The following FER variants were observed in gnomAD, a reference collection of about 807,000 sequenced individuals.
FER encodes tyrosine-protein kinase Fer.
In FER, 63 loss-of-function variants were observed where a neutral mutation model predicts 111.0. The observed-to-expected ratio is 0.57, with a 90% confidence interval of 0.46 to 0.70. FER has a LOEUF of 0.70. Among genes scored for constraint, FER ranks in the 30% least tolerant of loss-of-function variants. FER has a pLI of 0.00. For missense variants in FER, 914 were observed against 954.0 expected, an observed-to-expected ratio of 0.96 and a Z score of 0.55; for synonymous variants, 327 against 313.9, an observed-to-expected ratio of 1.04 and a Z score of -0.44.
intron 13 of FER, among the ~76,000 whole-genome samples, chr5:109,010,522 A>G (rs1024580805): frequency 6.6e-6 from 1 of 152,198 alleles, no homozygotes; most frequent in East Asian, 1.9e-4. Context: ...GTTTTCACCA[A>G]TATTTATAAT....
intron 1 of FER, among the ~76,000 whole-genome samples, chr5:108,756,165 A>G (rs943818602): frequency 6.6e-6 from 1 of 150,996 alleles, no homozygotes. Context: ...TCAAAAAAAA[A>G]AAAAAAAATA....
chr5:109,034,147 C>T (rs1171425134), intron 13 of FER, among the ~76,000 whole-genome samples: 1 of 152,178 alleles, frequency 6.6e-6, no homozygotes, highest in Non-Finnish European at 1.5e-5. Context: ...TCCTCAACCC[C>T]TCACACCTCC....
intron 18 of FER, among the ~76,000 whole-genome samples, chr5:109,183,358 C>T (rs977476159): frequency 4.7e-5 from 7 of 148,050 alleles, no homozygotes; most frequent in Non-Finnish European, 8.9e-5. Context: ...AAGCAATTCT[C>T]CTGTCTCAGC....
chr5:108,930,986 A>C (rs1366617569), intron 10 of FER, among the ~76,000 whole-genome samples: 1 of 151,794 alleles, frequency 6.6e-6, no homozygotes, highest in Non-Finnish European at 1.5e-5. Context: ...GATTTGACTT[A>C]AATTACATTA....
intron 17 of FER, chr5:109,177,743 C>T (rs951256524): frequency 6.6e-6 from 1 of 152,198 alleles, no homozygotes; most frequent in South Asian, 2.1e-4. Flanking sequence ...TAAGATTACT[C>T]GGCAGACATA....
chr5:109,100,711 A>G (rs1748120094), intron 17 of FER, among the ~76,000 whole-genome samples, 192 bp downstream of exon 17: 1 of 151,830 alleles, frequency 6.6e-6, no homozygotes, highest in African/African-American at 2.4e-5. Flanking sequence ...TCTTACTTGA[A>G]GTGAGTACCT....
chr5:108,993,610 AGAGGGCAAGGGC>A (rs1246427333), intron 13 of FER, among the ~76,000 whole-genome samples: 11 of 107,540 alleles, frequency 1.0e-4, no homozygotes, highest in Admixed American at 1.8e-4. Flanking sequence ...AGGGCGAGGG[AGAGGGCAAGGGC>A]GAGGGCGAGG....
chr5:108,965,973 A>G (rs771889090), intron 13 of FER, among the ~76,000 whole-genome samples: 3 of 152,190 alleles, frequency 2.0e-5, no homozygotes, highest in Non-Finnish European at 2.9e-5. Flanking sequence ...CATGGTACAT[A>G]TATTTAATAA....
At position 109,055,541 on chromosome 5, in the gene FER, C is replaced by T. The variant is rs1289156129; in HGVS notation, c.1924+8343C>T. Among the ~76,000 whole-genome samples the T allele has an allele frequency of 7.2e-5, 11 of 151,952 alleles. No homozygotes were observed. The East Asian group carries it at 2.1e-3, about 29-fold the overall frequency. On this transcript the variant is annotated intron_variant, in intron 16 of 19. Transcript: ENST00000281092. The stretch of plus-strand genomic sequence containing the variant: ...GTGGCTCATTCCTGTAATCCCAGCA[C>T]TTTGGGAGGCTGAGGCAGGAGGACT...
chr5:108,986,229 A>G (rs1304648737), intron 13 of FER, among the ~76,000 whole-genome samples: 2 of 150,544 alleles, frequency 1.3e-5, no homozygotes, highest in Non-Finnish European at 3.0e-5. Flanking sequence ...GGCTAATTGT[A>G]TATCTTCTGT....
rs575048876 is a variant in FER at position 109,051,756 on chromosome 5, G to A, written c.1924+4558G>A. On this transcript the variant is annotated intron_variant, in intron 16 of 19. Coordinates refer to ENST00000281092, the MANE Select transcript of FER (RefSeq NM_005246.4). ...TCTTTCCCTTAACCCAATCCTTAAC[G>A]CCCTTGAAGAAAACGTAGAAGAGTT... 36 of 1,565,782 alleles carry A rather than the reference G, an allele frequency of 2.3e-5. 1 individual carries two copies. Among genetic ancestry groups the A allele is most frequent in the South Asian group, 1.1e-4 (10 of 90,100 alleles).
At chr5:109,117,342 C>T (rs1750369899) in intron 17 of FER, among the ~76,000 whole-genome samples, 2 of 152,084 alleles carry the variant, frequency 1.3e-5, no homozygotes, top group Non-Finnish European at 2.9e-5. Flanking sequence ...TAATTCTCTA[C>T]ACCCTATAAT....
At chr5:108,833,122 A>T (rs1444474729) in intron 4 of FER, among the ~76,000 whole-genome samples, 179 bp downstream of exon 4, 3 of 152,134 alleles carry the variant, frequency 2.0e-5, no homozygotes, top group Non-Finnish European at 2.9e-5. Flanking sequence ...ATATACTGTG[A>T]CTGTATATAC....
At chr5:108,891,186 A>C (rs1202763327) in intron 9 of FER, among the ~76,000 whole-genome samples, 2 of 152,096 alleles carry the variant, frequency 1.3e-5, no homozygotes, top group African/African-American at 4.8e-5. Context: ...TTTTCGTGAA[A>C]TACCTGTTCA....
chr5:108,817,636 G>A (rs1453007670), intron 3 of FER, among the ~76,000 whole-genome samples: 1 of 152,128 alleles, frequency 6.6e-6, no homozygotes. Flanking sequence ...GTAGTAGTTT[G>A]TTCTTTAATC....
chr5:108,771,691 A>C (rs1300585213), intron 2 of FER, among the ~76,000 whole-genome samples: 2 of 152,232 alleles, frequency 1.3e-5, no homozygotes, highest in East Asian at 3.8e-4. Context: ...ACCTGGACTC[A>C]CTGTTAACAT....
At chr5:108,826,679 ATTC>A (rs892121235) in intron 3 of FER, among the ~76,000 whole-genome samples, 2 of 152,226 alleles carry the variant, frequency 1.3e-5, no homozygotes, top group African/African-American at 2.4e-5. Context: ...ACTGATGTCA[ATTC>A]TTCTATAAAT....
intron 9 of FER, among the ~76,000 whole-genome samples, chr5:108,896,400 G>A (rs976144244): frequency 2.6e-5 from 4 of 152,152 alleles, no homozygotes; most frequent in African/African-American, 4.8e-5. Flanking sequence ...GAAGAAGTCT[G>A]TGGATTTAGA....
chr5:108,964,924 T>C (rs1759604635), intron 13 of FER, among the ~76,000 whole-genome samples: 1 of 152,176 alleles, frequency 6.6e-6, no homozygotes, highest in African/African-American at 2.4e-5. Flanking sequence ...CTGTCACTTG[T>C]ATGGGCTTTT....
Sources: allele counts gnomAD v4.1 joint callset (sites outside exome capture counted in the v4.1 genomes callset), GRCh38; gene constraint gnomAD v4.1.1; transcripts MANE v1.5; gene names NCBI Gene and HGNC (gene_info 2026-07-23, HGNC 2026-07-21).